The following EPHA6 variants were observed in gnomAD, a reference collection of about 807,000 sequenced individuals.
EPHA6 encodes EPH receptor A6, also known as ephrin type-A receptor 6.
In EPHA6, 50 loss-of-function variants were observed where a neutral mutation model predicts 112.0. The ratio of observed to expected loss-of-function variants is 0.45; its 90% CI spans 0.36 to 0.56. The LOEUF (loss-of-function observed/expected upper bound fraction) is 0.56. Ranked by LOEUF, EPHA6 falls within the 20% of genes least tolerant of loss-of-function variation. EPHA6 has a pLI of 0.00. For synonymous variants in EPHA6, 529 were observed against 490.7 expected (o/e 1.08, Z -1.03); for missense variants, 1,280 against 1,417.4 (o/e 0.90, Z 1.56).
intron 7 of EPHA6, among the ~76,000 whole-genome samples, chr3:97,465,381 C>T (rs1373260188): frequency 2.0e-5 from 3 of 152,024 alleles, no homozygotes; most frequent in East Asian, 1.9e-4. Context: ...AATTATTTAA[C>T]TTGGAGACCT....
intron 5 of EPHA6, among the ~76,000 whole-genome samples, chr3:97,343,246 G>A (rs1366917741): frequency 6.6e-6 from 1 of 152,174 alleles, no homozygotes; most frequent in Non-Finnish European, 1.5e-5. Context: ...AAAACTTGAG[G>A]AGAGGCAATG....
intron 1 of EPHA6, among the ~76,000 whole-genome samples, chr3:96,854,568 A>G (rs1447721862): frequency 6.6e-6 from 1 of 152,132 alleles, no homozygotes; most frequent in Non-Finnish European, 1.5e-5. Flanking sequence ...TTTTGATCCA[A>G]CTTTATACAT....
At chr3:97,370,835 G>A (rs967530881) in intron 5 of EPHA6, among the ~76,000 whole-genome samples, 3 of 151,868 alleles carry the variant, frequency 2.0e-5, no homozygotes, top group African/African-American at 4.8e-5. Context: ...TTTTTCAAAG[G>A]AGAATCTAAA....
chr3:97,642,159 G>A lies in EPHA6; in HGVS notation c.2784+4077G>A, dbSNP rs561952978. ...TGACCCCCGAGCAGCCTAACTGGGA[G>A]GCACCCCCCAGCAGGGGCACACTGA... is the stretch of plus-strand genomic sequence containing the variant. On this transcript the variant is annotated intron_variant, in intron 14 of 17. Coordinates refer to ENST00000389672, the MANE Select transcript of EPHA6 (RefSeq NM_001080448.3). 2.2e-4 allele frequency among the ~76,000 whole-genome samples: 27 copies of A among 120,036 alleles called. No homozygotes were observed. The South Asian group carries it at 3.0e-3, about 13-fold the overall frequency. The allele number at this position is 120,036 out of a possible 152,430, so 78.7% of individuals were successfully genotyped here. A position where few individuals can be genotyped will look rare whatever the true frequency, so the allele number is the denominator to read the frequency against.
chr3:96,834,782 C>A (rs2034299552), intron 1 of EPHA6, among the ~76,000 whole-genome samples: 1 of 151,948 alleles, frequency 6.6e-6, no homozygotes, highest in South Asian at 2.1e-4. Context: ...AGTTCCATCC[C>A]TTATTAACAA....
intron 2 of EPHA6, among the ~76,000 whole-genome samples, chr3:96,976,279 A>G (rs773787954): frequency 1.3e-5 from 2 of 152,210 alleles, no homozygotes; most frequent in South Asian, 2.1e-4. Flanking sequence ...ATAATTCTTT[A>G]TTGTTCAAGT....
intron 8 of EPHA6, among the ~76,000 whole-genome samples, chr3:97,477,400 C>T (rs1420789907): frequency 7.8e-6 from 1 of 128,270 alleles, no homozygotes; most frequent in Non-Finnish European, 1.6e-5. Context: ...GATTACAAGA[C>T]AGTTATGGTT....
chr3:96,841,104 A>C (rs538165497), intron 1 of EPHA6, among the ~76,000 whole-genome samples: 1 of 152,062 alleles, frequency 6.6e-6, no homozygotes, highest in African/African-American at 2.4e-5. Flanking sequence ...TGAGACATCA[A>C]TCAATATGTG....
At chr3:97,394,026 T>A (rs773391306) in intron 5 of EPHA6, among the ~76,000 whole-genome samples, 1 of 151,800 alleles carries the variant, frequency 6.6e-6, no homozygotes, top group Non-Finnish European at 1.5e-5. Flanking sequence ...AGTATTGTAA[T>A]GAACATGGGT....
intron 2 of EPHA6, among the ~76,000 whole-genome samples, chr3:96,952,761 GA>G (rs919829111): frequency 5.5e-4 from 84 of 152,148 alleles, no homozygotes; most frequent in Middle Eastern, 3.4e-3. Context: ...CTTTTGACGG[GA>G]AATCAAATAC....
chr3:96,865,875 C>T (rs564992866), intron 1 of EPHA6, among the ~76,000 whole-genome samples: 2 of 151,984 alleles, frequency 1.3e-5, no homozygotes, highest in African/African-American at 4.8e-5. Context: ...GAGCTGTCCA[C>T]ATTTACCTGC....
intron 3 of EPHA6, among the ~76,000 whole-genome samples, chr3:97,018,378 A>G (rs2044337478): frequency 6.6e-6 from 1 of 152,078 alleles, no homozygotes; most frequent in South Asian, 2.1e-4. Flanking sequence ...GACCACTACC[A>G]CCAAGTCGCA....
At chr3:96,860,966 G>T (rs1258023345) in intron 1 of EPHA6, among the ~76,000 whole-genome samples, 4 of 148,104 alleles carry the variant, frequency 2.7e-5, no homozygotes, top group African/African-American at 1.1e-4. Flanking sequence ...CAACTTTTGA[G>T]GTAACTCATT....
chr3:97,597,078 A>G (rs2093601044), intron 12 of EPHA6, among the ~76,000 whole-genome samples: 1 of 151,754 alleles, frequency 6.6e-6, no homozygotes, highest in Non-Finnish European at 1.5e-5. Flanking sequence ...AGAACTAGGA[A>G]ACAGGCAGCA....
At chr3:97,355,935 A>C (rs2084049791) in intron 5 of EPHA6, among the ~76,000 whole-genome samples, 1 of 152,218 alleles carries the variant, frequency 6.6e-6, no homozygotes, top group African/African-American at 2.4e-5. Context: ...AAAGAGACAA[A>C]GAAGGTCATT....
intron 3 of EPHA6, among the ~76,000 whole-genome samples, chr3:97,116,979 A>C (rs138256960): frequency 9.3e-4 from 141 of 151,794 alleles, no homozygotes; most frequent in Non-Finnish European, 1.8e-3. Context: ...TTTTCTCCAC[A>C]TCCTTGTCAA....
chr3:97,063,243 A>G (rs188419528), intron 3 of EPHA6, among the ~76,000 whole-genome samples: 168 of 152,324 alleles, frequency 1.1e-3, no homozygotes, highest in African/African-American at 3.0e-3. Context: ...ATAAAGATGC[A>G]TGCATGTGTA....
chr3:97,310,982 T>C (rs1252018656), intron 5 of EPHA6, among the ~76,000 whole-genome samples: 1 of 151,576 alleles, frequency 6.6e-6, no homozygotes, highest in African/African-American at 2.4e-5. Flanking sequence ...CTAGCTATCC[T>C]TTCCCACCTG....
At chr3:97,035,408 A>G (rs2045052078) in intron 3 of EPHA6, among the ~76,000 whole-genome samples, 1 of 151,946 alleles carries the variant, frequency 6.6e-6, no homozygotes, top group Non-Finnish European at 1.5e-5. Context: ...TTTAATAGAC[A>G]CTAGGACTTT....
Sources: allele counts gnomAD v4.1 joint callset (sites outside exome capture counted in the v4.1 genomes callset), GRCh38; gene constraint gnomAD v4.1.1; transcripts MANE v1.5; gene names NCBI Gene and HGNC (gene_info 2026-07-23, HGNC 2026-07-21).